Variants in AGBL1 observed in about 807,000 individuals in gnomAD.
AGBL1 encodes the protein AGBL carboxypeptidase 1.
In AGBL1, 130 loss-of-function variants were observed where a neutral mutation model predicts 118.9. The ratio of observed to expected loss-of-function variants is 1.09; its 90% CI spans 0.95 to 1.26. AGBL1 has a LOEUF of 1.26. Ranked by LOEUF, AGBL1 falls within the 50% of genes most tolerant of loss-of-function variation. AGBL1 has a pLI of 0.00. For missense variants in AGBL1, 1,584 were observed against 1,298.1 expected (o/e 1.22, Z -3.38); for synonymous variants, 555 against 478.9 (o/e 1.16, Z -2.08).
chr15:86,589,959 G>A (rs2084309604), intron 21 of AGBL1, among the ~76,000 whole-genome samples: 1 of 151,956 alleles, frequency 6.6e-6, no homozygotes, highest in African/African-American at 2.4e-5. Flanking sequence ...ACATATGTAG[G>A]GGCAAAGGGA....
intron 9 of AGBL1, among the ~76,000 whole-genome samples, chr15:86,261,752 G>C (rs1053617594): frequency 6.6e-6 from 1 of 152,022 alleles, no homozygotes; most frequent in Non-Finnish European, 1.5e-5. Context: ...TCAGAGGAGA[G>C]TCACCATCAT....
chr15:86,316,835 C>T (rs2080019933), intron 17 of AGBL1: 1 of 152,308 alleles, frequency 6.6e-6, no homozygotes, highest in Non-Finnish European at 1.5e-5. Context: ...TTTCTGATCT[C>T]AGTTGAGCAC....
intron 23 of AGBL1, among the ~76,000 whole-genome samples, chr15:86,981,477 C>G (rs916824664): frequency 1.3e-5 from 2 of 152,114 alleles, no homozygotes; most frequent in African/African-American, 4.8e-5. Flanking sequence ...ATATGTTTCT[C>G]AGCTCTTCGT....
intron 22 of AGBL1, among the ~76,000 whole-genome samples, chr15:86,842,667 C>T (rs2141440248): frequency 6.6e-6 from 1 of 152,238 alleles, no homozygotes; most frequent in South Asian, 2.1e-4. Flanking sequence ...TGCTGGTGGG[C>T]TGATTATTTG....
intron 22 of AGBL1, among the ~76,000 whole-genome samples, chr15:86,809,910 A>ACC (rs1204376362): frequency 2.6e-5 from 4 of 152,130 alleles, no homozygotes; most frequent in African/African-American, 7.2e-5. Context: ...TGGCCAATAA[A>ACC]AGCTCTGCTG....
chr15:86,715,314 G>A (rs866496095), intron 22 of AGBL1, among the ~76,000 whole-genome samples: 1 of 152,132 alleles, frequency 6.6e-6, no homozygotes, highest in African/African-American at 2.4e-5. Flanking sequence ...ATCACCCAGC[G>A]GAGAAGTCAC....
At chr15:86,598,210 A>G (rs891254560) in intron 21 of AGBL1, among the ~76,000 whole-genome samples, 2 of 152,124 alleles carry the variant, frequency 1.3e-5, no homozygotes, top group East Asian at 1.9e-4. Context: ...TTTTAGTTAT[A>G]TCATCATGGT....
intron 5 of AGBL1, among the ~76,000 whole-genome samples, chr15:86,189,553 G>T (rs1376871114): frequency 6.6e-6 from 1 of 152,090 alleles, no homozygotes; most frequent in East Asian, 1.9e-4. Flanking sequence ...GTAACGAGTT[G>T]GTTCTCATTC....
At chr15:86,395,576 G>A (rs190694279) in intron 17 of AGBL1, among the ~76,000 whole-genome samples, 160 of 152,166 alleles carry the variant, frequency 1.1e-3, no homozygotes, top group African/African-American at 3.5e-3. Context: ...CAGTGCTCCT[G>A]CAGTTCTTGG....
intron 6 of AGBL1, among the ~76,000 whole-genome samples, chr15:86,230,914 A>G (rs78978362): frequency 0.012 from 1,855 of 152,266 alleles, 22 homozygotes; most frequent in East Asian, 0.054. Flanking sequence ...GTCACAAAAA[A>G]CAGGGCTCCT....
At chr15:86,798,235 G>T (rs1008847715) in intron 22 of AGBL1, among the ~76,000 whole-genome samples, 1 of 152,152 alleles carries the variant, frequency 6.6e-6, no homozygotes, top group Non-Finnish European at 1.5e-5. Flanking sequence ...GAGTGACAGA[G>T]TTGGCTTGGT....
At chr15:86,116,428 A>G (rs1944728937) in intron 1 of AGBL1, among the ~76,000 whole-genome samples, 1 of 152,216 alleles carries the variant, frequency 6.6e-6, no homozygotes, top group African/African-American at 2.4e-5. Context: ...GGTAGCTGGT[A>G]AAGCATTATT....
chr15:86,816,501 C>T (rs1360864342), intron 22 of AGBL1, among the ~76,000 whole-genome samples: 1 of 152,088 alleles, frequency 6.6e-6, no homozygotes, highest in Admixed American at 6.5e-5. Context: ...GAAATAGAAG[C>T]ATAGTTGTAG....
At chr15:86,092,697 A>G (rs1896113354) in intron 1 of AGBL1, among the ~76,000 whole-genome samples, 1 of 152,104 alleles carries the variant, frequency 6.6e-6, no homozygotes, top group South Asian at 2.1e-4. Flanking sequence ...TGGGAATTCC[A>G]AGATCAAGGG....
intron 5 of AGBL1, among the ~76,000 whole-genome samples, chr15:86,188,487 A>T (rs2068603340): frequency 6.6e-6 from 1 of 152,248 alleles, no homozygotes; most frequent in African/African-American, 2.4e-5. Context: ...AGACGTAACT[A>T]ATATAGATTT....
At chr15:86,124,152 C>T (rs996539331) in intron 1 of AGBL1, among the ~76,000 whole-genome samples, 20 of 151,876 alleles carry the variant, frequency 1.3e-4, no homozygotes, top group Non-Finnish European at 1.9e-4. Flanking sequence ...CAACATGGTG[C>T]AATCCCATCT....
rs569351989 is a variant in AGBL1 at position 86,517,610 on chromosome 15, C to T, written c.2556-5200C>T. 6.1e-4 allele frequency among the ~76,000 whole-genome samples: 93 copies of T among 152,258 alleles called. 1 individual carries two copies. Among genetic ancestry groups the T allele is most frequent in the Non-Finnish European group, 9.7e-4 (66 of 68,024 alleles). On this transcript the variant is annotated intron_variant, in intron 18 of 22. Transcript: ENST00000614907. ...GCCTCTGGTAACCCATTTCTGGGTTCCTGGAGGTGTGTAGGAACACCTGTG... is the reference window on the plus strand; with the variant it reads ...GCCTCTGGTAACCCATTTCTGGGTTTCTGGAGGTGTGTAGGAACACCTGTG...
At chr15:86,708,010 T>C (rs1289292561) in intron 22 of AGBL1, among the ~76,000 whole-genome samples, 1 of 152,122 alleles carries the variant, frequency 6.6e-6, no homozygotes, top group Non-Finnish European at 1.5e-5. Flanking sequence ...TCCATTTAAC[T>C]TGTTGCCTTC....
intron 18 of AGBL1, among the ~76,000 whole-genome samples, chr15:86,457,795 T>C (rs1037655183): frequency 3.9e-5 from 6 of 152,140 alleles, no homozygotes; most frequent in African/African-American, 1.4e-4. Context: ...AGGTTAATAA[T>C]CTACCAGCAA....
Sources: allele counts gnomAD v4.1 joint callset (sites outside exome capture counted in the v4.1 genomes callset), GRCh38; gene constraint gnomAD v4.1.1; transcripts MANE v1.5; gene names NCBI Gene and HGNC (gene_info 2026-07-23, HGNC 2026-07-21).